SYNE1: variants seen among roughly 807,000 people sequenced by gnomAD.
SYNE1 encodes the protein spectrin repeat containing nuclear envelope protein 1, also known as nesprin-1.
SYNE1 carries 616 observed loss-of-function variants against 1,111.0 expected under a neutral mutation model. The observed-to-expected ratio is 0.55, with a 90% confidence interval of 0.52 to 0.59. The LOEUF (loss-of-function observed/expected upper bound fraction) is 0.59. SYNE1 is among the 20% of genes least tolerant of loss of function. The probability of loss-of-function intolerance (pLI) is 0.00; values close to 1 mark genes in which losing one functional copy is unlikely to be tolerated. For synonymous variants in SYNE1, 3,855 were observed against 3,825.8 expected (o/e 1.01, Z -0.28); for missense variants, 10,006 against 10,417.0 (o/e 0.96, Z 1.72).
intron 39 of SYNE1, among the ~76,000 whole-genome samples, chr6:152,421,024 T>C (rs554074918): frequency 5.3e-5 from 8 of 152,362 alleles, no homozygotes; most frequent in South Asian, 2.1e-4. Context: ...ACCAAGGCTT[T>C]GACTGGAATG....
At chr6:152,193,128 T>C (rs2073037999) in intron 127 of SYNE1, among the ~76,000 whole-genome samples, 1 of 152,196 alleles carries the variant, frequency 6.6e-6, no homozygotes, top group African/African-American at 2.4e-5. Flanking sequence ...GTTGTTTATA[T>C]GGTCTTCTCC....
At position 152,330,737 on chromosome 6, in the gene SYNE1, G is replaced by A. The variant is rs866163858; in HGVS notation, c.13948C>T (p.Arg4650Ter). The A allele has an allele frequency of 1.2e-6, 2 of 1,613,922 alleles. No individual in the cohort carries two copies. The highest frequency in any genetic ancestry group is 8.5e-7 in the Non-Finnish European group (1 of 1,180,028). ...AAGGCAACAATTACATTAAATTGTC[G>A]AGGCAAAGCATTTAGCTTTTCACTG... ...YLSEKLNALPRQFNVIVALAK... is the reference protein window; with the variant it reads ...YLSEKLNALP The change falls in exon 78 of 146, where the codon CGA becomes TGA. Residue 4650 changes from arginine (R) to a stop codon, truncating the protein, a stop_gained. Coordinates refer to ENST00000367255, the MANE Select transcript of SYNE1 (RefSeq NM_182961.4). LOFTEE classifies it high-confidence loss of function.
intron 14 of SYNE1, among the ~76,000 whole-genome samples, chr6:152,477,462 A>G (rs1308247608): frequency 3.3e-5 from 5 of 152,346 alleles, no homozygotes; most frequent in South Asian, 2.1e-4. Flanking sequence ...GGATGAGAAC[A>G]TTCCAGAAGG....
chr6:152,140,548 T>C (rs1432143449), intron 139 of SYNE1, among the ~76,000 whole-genome samples: 1 of 152,098 alleles, frequency 6.6e-6, no homozygotes, highest in Non-Finnish European at 1.5e-5. Context: ...AATTGGAACA[T>C]GAGAGCTGGG....
intron 5 of SYNE1, among the ~76,000 whole-genome samples, chr6:152,521,571 ACT>A (rs1375236908): frequency 6.6e-6 from 1 of 152,116 alleles, no homozygotes; most frequent in Non-Finnish European, 1.5e-5. Context: ...ATGTATATGT[ACT>A]CTTTTTCATT....
rs146380354 is a variant in SYNE1 at position 152,601,924 on chromosome 6, C to T, written c.67+26341G>A. Among the ~76,000 whole-genome samples the T allele has an allele frequency of 2.0e-3, 300 of 152,274 alleles. 1 individual carries two copies. Among genetic ancestry groups the T allele is most frequent in the African/African-American group, 7.0e-3 (289 of 41,546 alleles). On this transcript the variant is annotated intron_variant, in intron 3 of 145. Coordinates refer to ENST00000367255, the MANE Select transcript of SYNE1 (RefSeq NM_182961.4). Reference sequence around the variant, plus strand: ...CATCCCCGGGGTTCACCTGGCCATTCTCATCTTGCCTACCCACATGCTGCT... The same window carrying T: ...CATCCCCGGGGTTCACCTGGCCATTTTCATCTTGCCTACCCACATGCTGCT...
At chr6:152,147,875 C>T in intron 137 of SYNE1, 170 bp downstream of exon 137, 2 of 665,838 alleles carry the variant, frequency 3.0e-6, no homozygotes, top group East Asian at 2.7e-5. Flanking sequence ...AACGGCCACA[C>T]CAAATTTTGC....
chr6:152,487,504 T>C (rs1489633304), intron 12 of SYNE1, among the ~76,000 whole-genome samples: 1 of 152,130 alleles, frequency 6.6e-6, no homozygotes, highest in Non-Finnish European at 1.5e-5. Context: ...ACTTTGTAAA[T>C]GGGAATAAAC....
In SYNE1 at chr6:152,189,420, A is replaced by G; in HGVS notation, c.23146-13T>C. 2 of 1,613,806 alleles carry G rather than the reference A, an allele frequency of 1.2e-6. No individual in the cohort carries two copies. The highest frequency in any genetic ancestry group is 1.7e-6 in the Non-Finnish European group (2 of 1,179,870). ...CATTTTCTAATTCCTAAATAAAAAAACAAACTTGAATACCCACGGACATCT... is the reference window on the plus strand; with the variant it reads ...CATTTTCTAATTCCTAAATAAAAAAGCAAACTTGAATACCCACGGACATCT... On this transcript the variant is annotated splice_polypyrimidine_tract_variant and intron_variant, in intron 127 of 145. Coordinates refer to ENST00000367255, the MANE Select transcript of SYNE1 (RefSeq NM_182961.4).
chr6:152,547,275 T>C (rs1226542074), intron 3 of SYNE1, among the ~76,000 whole-genome samples: 11 of 152,250 alleles, frequency 7.2e-5, no homozygotes, highest in African/African-American at 2.4e-4. Flanking sequence ...CTAACAAAAA[T>C]CTAAGACATA....
At chr6:152,558,378 A>G (rs190565799) in intron 3 of SYNE1, among the ~76,000 whole-genome samples, 370 of 152,330 alleles carry the variant, frequency 2.4e-3, no homozygotes, top group African/African-American at 8.1e-3. Context: ...AAATTCTTTA[A>G]TCAAAAGACA....
At chr6:152,615,630 T>C (rs551955814) in intron 3 of SYNE1, among the ~76,000 whole-genome samples, 17 of 152,358 alleles carry the variant, frequency 1.1e-4, no homozygotes, top group African/African-American at 4.1e-4. Context: ...GTATTATTTG[T>C]ACACATGCAT....
chr6:152,206,955 G>A (rs1437802161), intron 125 of SYNE1, among the ~76,000 whole-genome samples: 7 of 152,174 alleles, frequency 4.6e-5, no homozygotes, highest in Non-Finnish European at 1.5e-5. Flanking sequence ...GGGGTTCACA[G>A]AAGAATATTG....
chr6:152,545,255 T>A (rs2099304071), intron 3 of SYNE1, among the ~76,000 whole-genome samples: 1 of 152,186 alleles, frequency 6.6e-6, no homozygotes, highest in African/African-American at 2.4e-5. Context: ...GAAGTATCCA[T>A]CTGTAATTAA....
At chr6:152,151,919 T>C (rs1279076486) in intron 134 of SYNE1, 40 bp downstream of exon 134, 1 of 1,609,544 alleles carries the variant, frequency 6.2e-7, no homozygotes, top group Non-Finnish European at 8.5e-7. Context: ...CCCAGTCCCA[T>C]CCTCTGGCCT....
At chr6:152,160,149 G>A (rs1378828119) in intron 131 of SYNE1, among the ~76,000 whole-genome samples, 1 of 152,052 alleles carries the variant, frequency 6.6e-6, no homozygotes, top group Non-Finnish European at 1.5e-5. Context: ...TGGGATTACA[G>A]GCAAGCACCA....
At chr6:152,389,397 TC>T (rs1366945653) in intron 53 of SYNE1, among the ~76,000 whole-genome samples, 1 of 152,122 alleles carries the variant, frequency 6.6e-6, no homozygotes, top group Non-Finnish European at 1.5e-5. Context: ...GTTATCCCCT[TC>T]TTTGTATGAA....
chr6:152,369,795 C>T (rs528894704), intron 59 of SYNE1, among the ~76,000 whole-genome samples, 181 bp from the exon 60 acceptor site: 2 of 151,986 alleles, frequency 1.3e-5, no homozygotes, highest in East Asian at 3.9e-4. Context: ...CCAGCCTAGG[C>T]AACATGATGA....
intron 12 of SYNE1, among the ~76,000 whole-genome samples, chr6:152,487,633 G>C (rs569036597): frequency 2.5e-4 from 38 of 152,298 alleles, no homozygotes; most frequent in African/African-American, 8.4e-4. Context: ...GTTGGACTAG[G>C]CAGGTCGCAG....
Sources: allele counts gnomAD v4.1 joint callset (sites outside exome capture counted in the v4.1 genomes callset), GRCh38; gene constraint gnomAD v4.1.1; transcripts MANE v1.5; gene names NCBI Gene and HGNC (gene_info 2026-07-23, HGNC 2026-07-21).